Variants in KALRN observed in about 807,000 individuals in gnomAD.
KALRN encodes the protein kalirin RhoGEF kinase, also known as kalirin.
KALRN carries 70 observed loss-of-function variants against 353.7 expected under a neutral mutation model. The ratio of observed to expected loss-of-function variants is 0.20; its 90% CI spans 0.16 to 0.24. The LOEUF (loss-of-function observed/expected upper bound fraction) is 0.24, where lower values mean the gene tolerates loss of function less well. Among genes scored for constraint, KALRN ranks in the 10% least tolerant of loss-of-function variants. The probability of loss-of-function intolerance (pLI) is 1.00; values close to 1 mark genes in which losing one functional copy is unlikely to be tolerated. For synonymous variants in KALRN, 1,391 were observed against 1,434.8 expected (o/e 0.97, Z 0.69); for missense variants, 2,791 against 3,756.7 (o/e 0.74, Z 6.72).
intron 24 of KALRN, among the ~76,000 whole-genome samples, chr3:124,462,230 CA>C (rs1246379305): frequency 6.6e-6 from 1 of 152,180 alleles, no homozygotes; most frequent in Non-Finnish European, 1.5e-5. Flanking sequence ...AACCATGACA[CA>C]GTCAGTGAAC....
chr3:124,684,773 G>A (rs2061485438), intron 51 of KALRN, among the ~76,000 whole-genome samples: 1 of 152,204 alleles, frequency 6.6e-6, no homozygotes, highest in African/African-American at 2.4e-5. Flanking sequence ...GGGTGTGGCG[G>A]GAATGGCCTG....
chr3:124,312,263 T>G (rs1437750896), intron 6 of KALRN, among the ~76,000 whole-genome samples: 1 of 152,074 alleles, frequency 6.6e-6, no homozygotes, highest in Non-Finnish European at 1.5e-5. Flanking sequence ...CGGGTTCAAG[T>G]GATTCTTATG....
intron 34 of KALRN, among the ~76,000 whole-genome samples, chr3:124,577,129 C>T (rs1278983542): frequency 6.6e-6 from 1 of 151,926 alleles, no homozygotes; most frequent in Non-Finnish European, 1.5e-5. Flanking sequence ...TCTGGGGAGA[C>T]ATCTGTGTCC....
chr3:124,667,107 C>G lies in KALRN; in HGVS notation c.6627C>G (p.Ala2209=). 1 of 1,614,102 alleles carries G rather than the reference C, an allele frequency of 6.2e-7. No individual in the cohort carries two copies. The highest frequency in any genetic ancestry group is 8.5e-7 in the Non-Finnish European group (1 of 1,179,998). ...CTTCTGAGAGGGTTGTTCTGCAAGC[C>G]GCCAACGCTGACATCCAGCAGGCCT... is the stretch of plus-strand genomic sequence containing the variant. The part of the protein sequence containing the change: ...RETSERVVLQ[A]ANADIQQAWV... The change falls in exon 47 of 60, where the codon GCC becomes GCG. Residue 2209 remains alanine, a synonymous_variant. Coordinates refer to ENST00000682506, the MANE Select transcript of KALRN (RefSeq NM_001388419.1).
chr3:124,228,631 C>G lies in KALRN; in HGVS notation c.148+567C>G, dbSNP rs192366771. On this transcript the variant is annotated intron_variant, in intron 2 of 59. Transcript: ENST00000682506. ...AATCTGTAGCTGGTGGGCCATCCAC[C>G]AGTTTTTATAAATAAAGTTTTATTG... 1.2e-4 allele frequency among the ~76,000 whole-genome samples: 19 copies of G among 152,270 alleles called. No homozygotes were observed. The East Asian group carries it at 3.3e-3, about 26-fold the overall frequency.
At chr3:124,067,910 G>A (rs562506850) in intron 1 of KALRN, among the ~76,000 whole-genome samples, 8 of 152,238 alleles carry the variant, frequency 5.3e-5, no homozygotes, top group Admixed American at 2.0e-4. Flanking sequence ...GACTCCTGAC[G>A]TAGTCTTGTA....
chr3:124,114,780 G>GA (rs1325990188), intron 1 of KALRN, among the ~76,000 whole-genome samples: 2 of 152,228 alleles, frequency 1.3e-5, no homozygotes, highest in Non-Finnish European at 2.9e-5. Flanking sequence ...ACATGAGGAA[G>GA]AAGATCAGGC....
intron 5 of KALRN, among the ~76,000 whole-genome samples, chr3:124,270,264 T>A (rs2073988279): frequency 6.6e-6 from 1 of 152,230 alleles, no homozygotes; most frequent in Non-Finnish European, 1.5e-5. Context: ...TTTTACAATG[T>A]CTGATATCAT....
chr3:124,221,834 G>A (rs899169777), intron 1 of KALRN, among the ~76,000 whole-genome samples: 10 of 152,160 alleles, frequency 6.6e-5, no homozygotes, highest in Admixed American at 2.6e-4. Flanking sequence ...GGTATTGGGG[G>A]AAATGGACAC....
In KALRN at chr3:124,351,984, G is replaced by A. The variant is rs2082877849; in HGVS notation, c.1770+4719G>A. Reference sequence around the variant, plus strand: ...ATCCAACATTCAGAGTGAAGGCCCAGGAAGGGATACACCAGGGAATCTGTG... The same window carrying A: ...ATCCAACATTCAGAGTGAAGGCCCAAGAAGGGATACACCAGGGAATCTGTG... On this transcript the variant is annotated intron_variant, in intron 10 of 59. Transcript: ENST00000682506. Among the ~76,000 whole-genome samples, 5 of 152,178 alleles carry A rather than the reference G, an allele frequency of 3.3e-5. No homozygotes were observed. The South Asian group carries it at 1.0e-3, about 32-fold the overall frequency.
chr3:124,063,858 G>C (rs1377495919), intron 1 of KALRN, among the ~76,000 whole-genome samples: 3 of 152,182 alleles, frequency 2.0e-5, no homozygotes, highest in African/African-American at 4.8e-5. Flanking sequence ...GATCAGAAAG[G>C]CTGGGCCAGC....
Position 124,716,251 on chromosome 3 carries a change from C to T in KALRN, c.8277-996C>T, listed in dbSNP as rs577770598. On this transcript the variant is annotated intron_variant, in intron 58 of 59. Coordinates refer to ENST00000682506, the MANE Select transcript of KALRN (RefSeq NM_001388419.1). ...TCAAAAAGGGATCAAGAGCCGGGCA[C>T]GCTGGCTCATGTTTGTAATCCCACC... 5.3e-5 allele frequency among the ~76,000 whole-genome samples: 8 copies of T among 152,272 alleles called. No individual in the cohort carries two copies. In the South Asian group the frequency reaches 6.2e-4, roughly 12 times the overall value.
At chr3:124,254,213 G>C (rs186903398) in intron 3 of KALRN, among the ~76,000 whole-genome samples, 30 of 152,174 alleles carry the variant, frequency 2.0e-4, no homozygotes, top group African/African-American at 6.7e-4. Context: ...GTCACTTCCA[G>C]AGTTCTCATG....
chr3:124,498,890 A>G (rs1214719749), intron 33 of KALRN, among the ~76,000 whole-genome samples: 7 of 151,878 alleles, frequency 4.6e-5, no homozygotes, highest in African/African-American at 1.7e-4. Flanking sequence ...TCCCCTGACT[A>G]TACTAGATGG....
intron 32 of KALRN, among the ~76,000 whole-genome samples, chr3:124,496,010 T>TATATATATATATAC (rs2063786526): frequency 1.6e-5 from 1 of 61,816 alleles, no homozygotes; most frequent in Non-Finnish European, 2.7e-5. Flanking sequence ...TATATATATA[T>TATATATATATATAC]ATACACACAC....
chr3:124,562,754 T>C (rs1475483180), intron 33 of KALRN, 89 bp from the exon 34 acceptor site: 1 of 1,173,346 alleles, frequency 8.5e-7, no homozygotes, highest in East Asian at 5.9e-5. Context: ...TCACACATCC[T>C]TCGTCCCCTC....
chr3:124,070,436 T>A (rs1329571566), intron 1 of KALRN, among the ~76,000 whole-genome samples: 1 of 152,202 alleles, frequency 6.6e-6, no homozygotes, highest in Admixed American at 6.5e-5. Context: ...GAACCTTTGC[T>A]TGAATGTTCT....
At chr3:124,634,322 T>G (rs1382742475) in intron 36 of KALRN, among the ~76,000 whole-genome samples, 1 of 152,232 alleles carries the variant, frequency 6.6e-6, no homozygotes, top group Non-Finnish European at 1.5e-5. Context: ...GCATGTTAGT[T>G]GTTTTCCCTA....
chr3:124,268,529 A>G, intron 4 of KALRN: 1 of 580,824 alleles, frequency 1.7e-6, no homozygotes, highest in Admixed American at 3.0e-5. Context: ...GCAGTTGTAG[A>G]GGCTTGCTAA....
Sources: allele counts gnomAD v4.1 joint callset (sites outside exome capture counted in the v4.1 genomes callset), GRCh38; gene constraint gnomAD v4.1.1; transcripts MANE v1.5; gene names NCBI Gene and HGNC (gene_info 2026-07-23, HGNC 2026-07-21).